The following BANK1 variants were observed in gnomAD, a reference collection of about 807,000 sequenced individuals.
BANK1 encodes B-cell scaffold protein with ankyrin repeats.
Under a neutral mutation model 94.5 loss-of-function variants are expected in BANK1, and 95 were observed. The observed-to-expected ratio is 1.00, with a 90% CI of 0.85 to 1.19. The LOEUF (loss-of-function observed/expected upper bound fraction) is 1.19, where lower values mean the gene tolerates loss of function less well. BANK1 is among the 50% of genes most tolerant of loss of function. The pLI is 0.00. For missense variants in BANK1, 987 were observed against 932.2 expected, an observed-to-expected ratio of 1.06 and a Z score of -0.77; for synonymous variants, 334 against 308.4, an observed-to-expected ratio of 1.08 and a Z score of -0.87.
intron 2 of BANK1, among the ~76,000 whole-genome samples, chr4:101,838,650 C>A (rs1174337025): frequency 2.6e-5 from 4 of 152,120 alleles, no homozygotes; most frequent in Non-Finnish European, 5.9e-5. Flanking sequence ...GTTCTGAAAT[C>A]TATGCCAAGA....
rs149336942 is a variant in BANK1 at position 102,016,248 on chromosome 4, G to A, written c.1207-5266G>A. 1.7e-3 allele frequency among the ~76,000 whole-genome samples: 265 copies of A among 152,080 alleles called. 1 individual carries two copies. Among genetic ancestry groups the A allele is most frequent in the African/African-American group, 6.0e-3 (251 of 41,514 alleles). On this transcript the variant is annotated intron_variant, in intron 7 of 16. Coordinates refer to ENST00000322953, the MANE Select transcript of BANK1 (RefSeq NM_017935.5). ...ATATTTTAAATGTATGTTTCATTTT[G>A]CCTAATCTATATTGTTTGTCTTCTC...
intron 4 of BANK1, among the ~76,000 whole-genome samples, chr4:101,866,755 G>T (rs1240754683): frequency 1.2e-5 from 1 of 85,896 alleles, no homozygotes; most frequent in Non-Finnish European, 2.2e-5. Flanking sequence ...GCAAAGACTT[G>T]GAACCAACCC....
chr4:101,862,316 A>G (rs1210832229), intron 3 of BANK1, among the ~76,000 whole-genome samples: 1 of 152,114 alleles, frequency 6.6e-6, no homozygotes, highest in African/African-American at 2.4e-5. Flanking sequence ...GGAAAAAAAG[A>G]GCGTACAATA....
chr4:101,885,880 C>T (rs747119439), intron 5 of BANK1, among the ~76,000 whole-genome samples: 7 of 152,272 alleles, frequency 4.6e-5, no homozygotes, highest in Middle Eastern at 3.4e-3. Context: ...GCCTGTTGCT[C>T]CTAGACCTCA....
intron 6 of BANK1, among the ~76,000 whole-genome samples, chr4:101,910,561 G>A (rs1722629908): frequency 6.6e-6 from 1 of 151,962 alleles, no homozygotes; most frequent in East Asian, 1.9e-4. Flanking sequence ...TGGTGTGGTG[G>A]TGCATGCCTG....
chr4:101,845,731 G>A (rs1276939354), intron 2 of BANK1, among the ~76,000 whole-genome samples: 1 of 152,172 alleles, frequency 6.6e-6, no homozygotes, highest in Non-Finnish European at 1.5e-5. Context: ...CTCATAAATT[G>A]TCATTTCTAT....
chr4:101,955,940 A>T (rs1420164241), intron 7 of BANK1, among the ~76,000 whole-genome samples: 1 of 152,186 alleles, frequency 6.6e-6, no homozygotes, highest in Admixed American at 6.6e-5. Context: ...ATAATTGGAA[A>T]TAATTGATGT....
chr4:102,055,496 C>T (rs948599675), intron 11 of BANK1, among the ~76,000 whole-genome samples: 3 of 151,908 alleles, frequency 2.0e-5, no homozygotes, highest in African/African-American at 4.8e-5. Flanking sequence ...CTAGCAACTG[C>T]AATAACATGC....
intron 3 of BANK1, 48 bp from the exon 4 acceptor site, chr4:101,862,478 A>G (rs1727915286): frequency 2.0e-6 from 3 of 1,511,026 alleles, no homozygotes; most frequent in Non-Finnish European, 2.7e-6. Flanking sequence ...TCTTTGGTTA[A>G]TGTAAACTTT....
intron 7 of BANK1, among the ~76,000 whole-genome samples, chr4:102,007,907 T>C (rs1469120248): frequency 6.6e-6 from 1 of 152,182 alleles, no homozygotes; most frequent in African/African-American, 2.4e-5. Flanking sequence ...AATATAACAC[T>C]ATTAGTCAAA....
chr4:102,001,531 C>G (rs140142594), intron 7 of BANK1, among the ~76,000 whole-genome samples: 1 of 152,068 alleles, frequency 6.6e-6, no homozygotes, highest in Admixed American at 6.5e-5. Context: ...ACCCGGGAGG[C>G]GGAGGTTGCA....
At chr4:101,821,435 T>C (rs1726143454) in intron 1 of BANK1, among the ~76,000 whole-genome samples, 2 of 152,224 alleles carry the variant, frequency 1.3e-5, no homozygotes, top group African/African-American at 4.8e-5. Context: ...TCTTTTGCTG[T>C]TCAGAAACTC....
chr4:101,959,152 T>TG (rs1388533323), intron 7 of BANK1, among the ~76,000 whole-genome samples: 1 of 151,694 alleles, frequency 6.6e-6, no homozygotes, highest in African/African-American at 2.4e-5. Context: ...TTGTTTTTTT[T>TG]TTGAGACAGA....
At chr4:101,889,547 G>A (rs976881865) in intron 5 of BANK1, among the ~76,000 whole-genome samples, 5 of 133,886 alleles carry the variant, frequency 3.7e-5, no homozygotes, top group African/African-American at 1.2e-4. Flanking sequence ...GCAGTGAGCC[G>A]AGATTGCGCC....
rs182005827 is a variant in BANK1, at chr4:101,978,617, T to C, written c.1207-42897T>C. On this transcript the variant is annotated intron_variant, in intron 7 of 16. Transcript: ENST00000322953. ...TCAAGACACTTAGAAAGCTTTCTTG[T>C]TGTGTTTCTGAAATATGTTAGGAAA... 2.0e-5 allele frequency among the ~76,000 whole-genome samples: 3 copies of C among 152,190 alleles called. No individual in the cohort carries two copies. In the East Asian group the frequency reaches 5.8e-4, roughly 29 times the overall value.
chr4:101,826,831 T>C (rs1220706757), intron 1 of BANK1, among the ~76,000 whole-genome samples: 1 of 151,966 alleles, frequency 6.6e-6, no homozygotes, highest in Non-Finnish European at 1.5e-5. Context: ...TGCTTGGCAT[T>C]GTGTAGGAAT....
intron 7 of BANK1, among the ~76,000 whole-genome samples, chr4:101,989,431 CAAAAAA>C (rs899065744): frequency 1.3e-4 from 4 of 31,072 alleles, no homozygotes; most frequent in African/African-American, 3.4e-4. Flanking sequence ...GACTCCGTCT[CAAAAAA>C]AAAAAAAAAA....
At chr4:101,922,627 A>G (rs752260578) in intron 7 of BANK1, among the ~76,000 whole-genome samples, 1 of 151,832 alleles carries the variant, frequency 6.6e-6, no homozygotes, top group Non-Finnish European at 1.5e-5. Context: ...CTATACTTGG[A>G]ATTTTTTTAA....
At chr4:101,970,063 GCTTGAT>G (rs1724900861) in intron 7 of BANK1, among the ~76,000 whole-genome samples, 1 of 152,096 alleles carries the variant, frequency 6.6e-6, no homozygotes, top group Admixed American at 6.6e-5. Flanking sequence ...TTTACCAGCT[GCTTGAT>G]CTTGGGTAAG....
Sources: allele counts gnomAD v4.1 joint callset (sites outside exome capture counted in the v4.1 genomes callset), GRCh38; gene constraint gnomAD v4.1.1; transcripts MANE v1.5; gene names NCBI Gene and HGNC (gene_info 2026-07-23, HGNC 2026-07-21).